Variants in DENND1B observed in about 807,000 individuals in gnomAD.
DENND1B encodes DENN domain-containing protein 1B.
Under a neutral mutation model 90.1 loss-of-function variants are expected in DENND1B, and 59 were observed. That is an observed-to-expected ratio of 0.65 (90% confidence interval 0.53 to 0.81). The LOEUF is 0.81. Among genes scored for constraint, DENND1B ranks in the 40% least tolerant of loss-of-function variants. DENND1B has a pLI of 0.00. For synonymous variants in DENND1B, 337 were observed against 324.6 expected, an observed-to-expected ratio of 1.04 and a Z score of -0.41; for missense variants, 862 against 912.6, an observed-to-expected ratio of 0.94 and a Z score of 0.71.
At chr1:197,554,098 T>TACACAC (rs1491448542) in intron 15 of DENND1B, among the ~76,000 whole-genome samples, 1 of 98,312 alleles carries the variant, frequency 1.0e-5, no homozygotes, top group Non-Finnish European at 2.0e-5. Context: ...AATCAATGAT[T>TACACAC]ATACACACAC....
chr1:197,613,011 A>C (rs1187995873), intron 11 of DENND1B, among the ~76,000 whole-genome samples: 2 of 150,880 alleles, frequency 1.3e-5, no homozygotes, highest in African/African-American at 4.8e-5. Context: ...TTTTAAAATA[A>C]AACATTTTTG....
At chr1:197,752,031 GAGA>G (rs1653626081) in intron 2 of DENND1B, among the ~76,000 whole-genome samples, 1 of 151,088 alleles carries the variant, frequency 6.6e-6, no homozygotes, top group Non-Finnish European at 1.5e-5. Context: ...GAAGGAGGAG[GAGA>G]AGGAGAAGAG....
chr1:197,666,723 A>G (rs1033343849), intron 5 of DENND1B, among the ~76,000 whole-genome samples: 1 of 152,244 alleles, frequency 6.6e-6, no homozygotes, highest in Non-Finnish European at 1.5e-5. Flanking sequence ...GAAGCAGCAC[A>G]GTCTGTTATA....
At chr1:197,539,564 A>AT (rs1397675850) in intron 20 of DENND1B, among the ~76,000 whole-genome samples, 1 of 152,248 alleles carries the variant, frequency 6.6e-6, no homozygotes, top group Non-Finnish European at 1.5e-5. Flanking sequence ...GGATAGACTT[A>AT]TAGTAGTTCA....
At chr1:197,779,133 C>T (rs1246137200), upstream of DENND1B, among the ~76,000 whole-genome samples, 2 of 152,150 alleles carry the variant, frequency 1.3e-5, no homozygotes, top group Non-Finnish European at 2.9e-5. Context: ...AAAATTCTTT[C>T]CCTTTTTGTT....
intron 15 of DENND1B, among the ~76,000 whole-genome samples, chr1:197,566,447 A>G (rs893381990): frequency 6.6e-6 from 1 of 152,056 alleles, no homozygotes; most frequent in East Asian, 1.9e-4. Context: ...AGAGATATAG[A>G]TCAATGGAAC....
intron 1 of DENND1B, 119 bp from the exon 2 acceptor site, chr1:197,773,051 T>G: frequency 3.9e-5 from 31 of 805,128 alleles, no homozygotes; most frequent in Non-Finnish European, 5.5e-5. Context: ...CGTGACTGTA[T>G]TACTACAGTA....
chr1:197,544,983 GGGAAGA>G (rs1670673071), intron 18 of DENND1B, among the ~76,000 whole-genome samples: 2 of 50,418 alleles, frequency 4.0e-5, no homozygotes, highest in Admixed American at 2.9e-4. Context: ...AAGGAGGAAG[GGGAAGA>G]AGGAAGAAGG....
chr1:197,527,529 GC>G (rs1350381254), intron 20 of DENND1B, among the ~76,000 whole-genome samples: 2 of 150,176 alleles, frequency 1.3e-5, no homozygotes, highest in Admixed American at 6.6e-5. Flanking sequence ...TGATCCGCCT[GC>G]CTCGGCCTCC....
chr1:197,647,178 T>C (rs535815423), intron 7 of DENND1B, 64 bp from the exon 8 acceptor site: 4 of 1,199,270 alleles, frequency 3.3e-6, no homozygotes, highest in East Asian at 6.3e-5. Context: ...ACACAACAAT[T>C]TGCTGTGTAA....
chr1:197,538,102 ATG>A (rs1030135155), intron 20 of DENND1B, among the ~76,000 whole-genome samples: 169 of 152,248 alleles, frequency 1.1e-3, no homozygotes, highest in African/African-American at 3.7e-3. Context: ...TATTTAGGAA[ATG>A]TGTTTCTCCA....
intron 15 of DENND1B, among the ~76,000 whole-genome samples, chr1:197,569,007 G>T (rs903928639): frequency 6.6e-6 from 1 of 151,764 alleles, no homozygotes; most frequent in African/African-American, 2.4e-5. Context: ...TCTCTGCAAT[G>T]GGAGAAAATA....
At chr1:197,561,673 G>A (rs929864795) in intron 15 of DENND1B, among the ~76,000 whole-genome samples, 1 of 151,530 alleles carries the variant, frequency 6.6e-6, no homozygotes, top group African/African-American at 2.4e-5. Flanking sequence ...GACTTAATAT[G>A]TCTGAAACTC....
At chr1:197,729,966 A>G (rs1662002901) in intron 2 of DENND1B, among the ~76,000 whole-genome samples, 1 of 152,134 alleles carries the variant, frequency 6.6e-6, no homozygotes, top group South Asian at 2.1e-4. Context: ...GAAAAAGGCT[A>G]ATAATGCCTC....
chr1:197,766,699 T>G (rs901402560), intron 2 of DENND1B, among the ~76,000 whole-genome samples: 1 of 152,206 alleles, frequency 6.6e-6, no homozygotes, highest in Non-Finnish European at 1.5e-5. Context: ...AGCACACATT[T>G]AAAATCATTT....
At chr1:197,657,852 C>T (rs949574239) in intron 6 of DENND1B, among the ~76,000 whole-genome samples, 6 of 152,092 alleles carry the variant, frequency 3.9e-5, no homozygotes, top group African/African-American at 1.4e-4. Flanking sequence ...AGGAAGCACC[C>T]CCAGTGTCCA....
rs747248251 is a variant in DENND1B at position 197,617,771 on chromosome 1, A to G, written c.673-12T>C. On this transcript the variant is annotated splice_polypyrimidine_tract_variant and intron_variant, in intron 10 of 22. Transcript: ENST00000620048. Reference sequence around the variant, plus strand: ...ATACAGGCAGTTAACTGAAATTTGTAAAAGGATAACAAAAATAAGTAGCTG... The same window carrying G: ...ATACAGGCAGTTAACTGAAATTTGTGAAAGGATAACAAAAATAAGTAGCTG... The G allele has an allele frequency of 7.5e-6, 12 of 1,595,346 alleles. No homozygotes were observed. The East Asian group carries it at 2.7e-4, about 36-fold the overall frequency.
intron 2 of DENND1B, among the ~76,000 whole-genome samples, chr1:197,728,340 A>C (rs1419314777): frequency 6.6e-6 from 1 of 152,246 alleles, no homozygotes; most frequent in Admixed American, 6.5e-5. Context: ...CTGGACTAAA[A>C]ACAAGAACAT....
chr1:197,673,555 CCAAGAAA>C (rs1168507914), intron 4 of DENND1B, among the ~76,000 whole-genome samples: 2 of 152,034 alleles, frequency 1.3e-5, no homozygotes, highest in Non-Finnish European at 2.9e-5. Context: ...GCTGTATGTT[CCAAGAAA>C]TTTCAACTCT....
Sources: gnomAD v4.1 joint callset for allele counts (sites outside exome capture counted in the v4.1 genomes callset) on GRCh38, gnomAD v4.1.1 for gene constraint, MANE v1.5 for transcripts, NCBI Gene and HGNC (gene_info 2026-07-23, HGNC 2026-07-21) for gene names.